TLK1: variants seen among roughly 807,000 people sequenced by gnomAD.
TLK1 encodes tousled like kinase 1.
A neutral mutation model predicts 105.3 loss-of-function variants in TLK1; 24 were observed. The ratio of observed to expected loss-of-function variants is 0.23; its 90% confidence interval spans 0.17 to 0.32. The LOEUF (loss-of-function observed/expected upper bound fraction) is 0.32, where lower values mean the gene tolerates loss of function less well. Ranked by LOEUF, TLK1 falls within the 10% of genes least tolerant of loss-of-function variation. TLK1 has a pLI of 1.00. For synonymous variants in TLK1, 321 were observed against 310.4 expected, an observed-to-expected ratio of 1.03 and a Z score of -0.36; for missense variants, 558 against 910.5, an observed-to-expected ratio of 0.61 and a Z score of 4.98.
intron 1 of TLK1, among the ~76,000 whole-genome samples, chr2:171,193,460 G>C (rs1160095491): frequency 6.7e-6 from 1 of 149,006 alleles, no homozygotes; most frequent in African/African-American, 2.5e-5. Flanking sequence ...CCAGTGGCGC[G>C]ATCTCGGCTC....
At chr2:171,082,210 T>C (rs754079820) in intron 3 of TLK1, among the ~76,000 whole-genome samples, 2 of 152,040 alleles carry the variant, frequency 1.3e-5, no homozygotes, top group Non-Finnish European at 2.9e-5. Context: ...GGGTAAATTA[T>C]ACCATGGATC....
chr2:171,130,873 T>C (rs183875233), intron 1 of TLK1, among the ~76,000 whole-genome samples: 43 of 152,186 alleles, frequency 2.8e-4, no homozygotes, highest in South Asian at 1.2e-3. Context: ...CTCCAGGGAA[T>C]GCCAACTTTG....
chr2:171,140,676 T>C (rs1012133508), intron 1 of TLK1, among the ~76,000 whole-genome samples: 14 of 152,214 alleles, frequency 9.2e-5, no homozygotes, highest in African/African-American at 3.4e-4. Context: ...AAATGTAAAT[T>C]TTATGTCATG....
At chr2:171,079,545 A>AT (rs35364226) in intron 3 of TLK1, among the ~76,000 whole-genome samples, 2 of 152,220 alleles carry the variant, frequency 1.3e-5, no homozygotes, top group Admixed American at 1.3e-4. Flanking sequence ...AATATCCTGA[A>AT]TTTTTTGGAG....
intron 18 of TLK1, among the ~76,000 whole-genome samples, chr2:170,998,106 CT>C (rs1559331700): frequency 9.0e-4 from 136 of 150,906 alleles, no homozygotes; most frequent in Middle Eastern, 3.4e-3. Context: ...ACCTACCTAC[CT>C]ACCACCTACC....
chr2:171,214,063 G>A (rs189563692), intron 1 of TLK1, among the ~76,000 whole-genome samples: 6 of 151,662 alleles, frequency 4.0e-5, no homozygotes, highest in African/African-American at 7.2e-5. Context: ...AAAATTAGCC[G>A]GGCATGGTGG....
intron 1 of TLK1, among the ~76,000 whole-genome samples, chr2:171,203,392 G>T (rs943461376): frequency 2.6e-5 from 4 of 151,994 alleles, no homozygotes; most frequent in Admixed American, 2.6e-4. Flanking sequence ...TCTACTTTTT[G>T]TCTGTATGAA....
At chr2:171,122,360 G>T (rs184652778) in intron 1 of TLK1, among the ~76,000 whole-genome samples, 1 of 152,252 alleles carries the variant, frequency 6.6e-6, no homozygotes, top group Non-Finnish European at 1.5e-5. Flanking sequence ...CTAAACAGTA[G>T]AGCCTTGCTA....
intron 2 of TLK1, among the ~76,000 whole-genome samples, chr2:171,114,066 CTAAAATA>C (rs972072724): frequency 1.3e-5 from 2 of 152,118 alleles, no homozygotes; most frequent in African/African-American, 4.8e-5. Context: ...TTCCATAAAT[CTAAAATA>C]TATTATGGAA....
At chr2:171,223,257 T>C (rs1229247651) in intron 1 of TLK1, among the ~76,000 whole-genome samples, 1 of 152,202 alleles carries the variant, frequency 6.6e-6, no homozygotes, top group Non-Finnish European at 1.5e-5. Flanking sequence ...TAATTTACAT[T>C]CCCACCAACA....
At chr2:171,077,521 A>G (rs1056653136) in intron 3 of TLK1, among the ~76,000 whole-genome samples, 1 of 152,226 alleles carries the variant, frequency 6.6e-6, no homozygotes, top group African/African-American at 2.4e-5. Flanking sequence ...TTTCTCCTCA[A>G]TTAACTACAA....
Position 171,160,830 on chromosome 2 carries a change from C to G in TLK1, c.-402G>C, listed in dbSNP as rs1692467104. On this transcript the variant is annotated 5_prime_UTR_variant, in exon 1 of 21. Transcript: ENST00000431350. This position sits in a 1 kb window ranked among gnomAD's most constrained non-coding sequence, Gnocchi z 4.4. ...ACCTCTGCAGTGCGTCGGCCCCCGG[C>G]GTCGCCCGGGAGGCGGCGGCGGCGG... 2.9e-6 allele frequency: 1 copy of G among 341,824 alleles called. No homozygotes were observed. The highest frequency in any genetic ancestry group is 2.2e-5 in the African/African-American group (1 of 45,646). The allele number at this position is 341,824 out of a possible 1,614,324, so 21.2% of individuals were successfully genotyped here. A position where few individuals can be genotyped will look rare whatever the true frequency, so the allele number is the denominator to read the frequency against.
rs556717785 is a variant in TLK1, at chr2:171,056,380, G to C, written c.549+91C>G. 6.3e-6 allele frequency: 6 copies of C among 949,604 alleles called. No individual in the cohort carries two copies. The African/African-American group carries it at 1.0e-4, about 16-fold the overall frequency. 58.8% of individuals were successfully genotyped at this position (949,604 alleles called of 1,614,324 possible). A position where few individuals can be genotyped will look rare whatever the true frequency, so the allele number is the denominator to read the frequency against. ...TAAATGCTAACTTATTTATATAGAAGTTCTCAATAAAAAACAACAAATTAT... is the reference window on the plus strand; with the variant it reads ...TAAATGCTAACTTATTTATATAGAACTTCTCAATAAAAAACAACAAATTAT... On this transcript the variant is annotated intron_variant, in intron 6 of 20. Transcript: ENST00000431350.
intron 1 of TLK1, among the ~76,000 whole-genome samples, chr2:171,212,380 A>G (rs979609357): frequency 6.0e-5 from 9 of 150,300 alleles, no homozygotes; most frequent in Non-Finnish European, 1.0e-4. Flanking sequence ...AATTTTCCCA[A>G]CATCTGTTCA....
At chr2:171,227,583 T>TG in intron 1 of TLK1, among the ~76,000 whole-genome samples, 1 of 135,542 alleles carries the variant, frequency 7.4e-6, no homozygotes, top group Non-Finnish European at 1.6e-5. Context: ...TTTTTTTTTT[T>TG]TTTTTTTTTT....
intron 12 of TLK1, among the ~76,000 whole-genome samples, chr2:171,022,104 C>G (rs960073794): frequency 7.9e-5 from 12 of 151,538 alleles, no homozygotes; most frequent in Admixed American, 2.0e-4. Context: ...CACACACACA[C>G]ACACACACAC....
At chr2:171,133,775 A>G (rs745764955) in intron 1 of TLK1, among the ~76,000 whole-genome samples, 1 of 149,462 alleles carries the variant, frequency 6.7e-6, no homozygotes, top group Non-Finnish European at 1.5e-5. Flanking sequence ...TTTTTTTTTA[A>G]TATTTGAGTG....
chr2:171,038,794 T>C (rs1686504429), intron 11 of TLK1, among the ~76,000 whole-genome samples: 1 of 152,188 alleles, frequency 6.6e-6, no homozygotes, highest in Admixed American at 6.5e-5. Context: ...GAACATGTAT[T>C]CTGCAGATGT....
chr2:171,022,264 G>A (rs1048673962), intron 12 of TLK1, among the ~76,000 whole-genome samples: 20 of 152,096 alleles, frequency 1.3e-4, no homozygotes, highest in Non-Finnish European at 2.8e-4. Flanking sequence ...GTGAGTAAGA[G>A]ATAAGAACGT....
Sources: gnomAD v4.1 joint callset for allele counts (sites outside exome capture counted in the v4.1 genomes callset) on GRCh38, gnomAD v4.1.1 for gene constraint, Gnocchi (gnomAD v3.1) non-coding constraint, MANE v1.5 for transcripts, NCBI Gene and HGNC (gene_info 2026-07-23, HGNC 2026-07-21) for gene names.